Variants in HOXA3 observed in about 807,000 individuals in gnomAD.
HOXA3 encodes the protein homeobox protein Hox-A3.
A neutral mutation model predicts 30.3 loss-of-function variants in HOXA3; 8 were observed. The ratio of observed to expected loss-of-function variants is 0.26; its 90% confidence interval spans 0.15 to 0.48. The LOEUF is 0.48. Among genes scored for constraint, HOXA3 ranks in the 20% least tolerant of loss-of-function variants. The probability of loss-of-function intolerance (pLI) is 0.99; values close to 1 mark genes in which losing one functional copy is unlikely to be tolerated. For synonymous variants in HOXA3, 323 were observed against 273.1 expected, an observed-to-expected ratio of 1.18 and a Z score of -1.80; for missense variants, 653 against 614.4, an observed-to-expected ratio of 1.06 and a Z score of -0.66.
chr7:27,115,244 T>C (rs1315524032), intron 4 of HOXA3: 1 of 152,086 alleles, frequency 6.6e-6, no homozygotes, highest in Non-Finnish European at 1.5e-5. Context: ...GGTGGCCTCA[T>C]GCATACCAAT....
rs537688259 is a variant in HOXA3 at position 27,109,988 on chromosome 7, C to G, written c.526+127G>C. Reference sequence around the variant, plus strand: ...AGACTATGAAAACCTTTTTGGTGGGCAGTGGTGTGGGAGCAGTGAATTCCA... The same window carrying G: ...AGACTATGAAAACCTTTTTGGTGGGGAGTGGTGTGGGAGCAGTGAATTCCA... On this transcript the variant is annotated intron_variant, in intron 5 of 5. Coordinates refer to ENST00000612286, the MANE Select transcript of HOXA3 (RefSeq NM_153631.3). 1,365 of 1,162,866 alleles carry G rather than the reference C, an allele frequency of 1.2e-3. 2 individuals are homozygous for G. The highest frequency in any genetic ancestry group is 1.5e-3 in the Non-Finnish European group (1,241 of 801,098). 72.0% of individuals were successfully genotyped at this position (1,162,866 alleles called of 1,614,324 possible). A position where few individuals can be genotyped will look rare whatever the true frequency, so the allele number is the denominator to read the frequency against.
rs925658874 is a variant in HOXA3 at position 27,140,186 on chromosome 7, C to T, written c.-493G>A. The T allele has an allele frequency of 6.6e-6, 1 of 152,054 alleles. No homozygotes were observed. The highest frequency in any genetic ancestry group is 1.5e-5 in the Non-Finnish European group (1 of 68,014). 9.4% of individuals were successfully genotyped at this position (152,054 alleles called of 1,614,324 possible). ...TTGAATGGCCAGGCGGCACACGTAGCCTGCAAAAGAGTCAAATGGAGTCCA... is the reference window on the plus strand; with the variant it reads ...TTGAATGGCCAGGCGGCACACGTAGTCTGCAAAAGAGTCAAATGGAGTCCA... On this transcript the variant is annotated splice_region_variant and 5_prime_UTR_variant, in exon 2 of 6. Coordinates refer to ENST00000612286, the MANE Select transcript of HOXA3 (RefSeq NM_153631.3).
chr7:27,143,225 G>T, intron 1 of HOXA3: 1 of 1,610,052 alleles, frequency 6.2e-7, no homozygotes. Context: ...GTCGGCCGAG[G>T]CGCCGCTGGA....
chr7:27,118,805 T>C (rs17500619), intron 4 of HOXA3, among the ~76,000 whole-genome samples: 95 of 152,334 alleles, frequency 6.2e-4, no homozygotes, highest in African/African-American at 2.2e-3. Context: ...ATAACTGGCC[T>C]GGACAGCGGA....
In HOXA3 at chr7:27,152,291, C is replaced by T; in HGVS notation, c.-497G>A. On this transcript the variant is annotated 5_prime_UTR_variant, in exon 1 of 6. Coordinates refer to ENST00000612286, the MANE Select transcript of HOXA3 (RefSeq NM_153631.3). ...ATCTCCTCCCCACATGTCTCACCTT[C>T]AGACGGTGGCTCCCAGAAGCTCCTG... 7.8e-7 allele frequency: 1 copy of T among 1,279,612 alleles called. No homozygotes were observed. The allele number at this position is 1,279,612 out of a possible 1,614,324, so 79.3% of individuals were successfully genotyped here. A position where few individuals can be genotyped will look rare whatever the true frequency, so the allele number is the denominator to read the frequency against.
chr7:27,137,430 A>G (rs1298638822), intron 2 of HOXA3, among the ~76,000 whole-genome samples: 1 of 152,200 alleles, frequency 6.6e-6, no homozygotes, highest in Non-Finnish European at 1.5e-5. Context: ...GGAGGAGCAC[A>G]GACACGCACT....
intron 3 of HOXA3, among the ~76,000 whole-genome samples, chr7:27,125,899 T>C (rs1379289771): frequency 6.6e-6 from 1 of 152,174 alleles, no homozygotes; most frequent in Non-Finnish European, 1.5e-5. Flanking sequence ...AGAGGAAAGA[T>C]GGTGATATCC....
At chr7:27,132,238 GA>G (rs1300801335) in intron 2 of HOXA3, among the ~76,000 whole-genome samples, 1 of 152,196 alleles carries the variant, frequency 6.6e-6, no homozygotes, top group Non-Finnish European at 1.5e-5. Context: ...CACCTTAGTT[GA>G]TTTTTCAAAG....
intron 2 of HOXA3, chr7:27,130,694 C>A: frequency 6.2e-7 from 1 of 1,608,686 alleles, no homozygotes; most frequent in South Asian, 1.1e-5. Flanking sequence ...AACTTGGGCT[C>A]GATGTAGTTG....
chr7:27,141,717 G>A (rs936714820), intron 1 of HOXA3: 4 of 1,285,384 alleles, frequency 3.1e-6, no homozygotes, highest in African/African-American at 1.5e-5. Flanking sequence ...GATGAATTAG[G>A]GCAACGAGAA....
chr7:27,135,676 G>A (rs12533947), intron 2 of HOXA3, among the ~76,000 whole-genome samples: 104,038 of 152,132 alleles, frequency 0.68, 38,158 homozygotes, highest in East Asian at 0.85. Flanking sequence ...CGGCCAATCA[G>A]AATCCCTCTT....
At chr7:27,141,022 G>C (rs999992826) in intron 1 of HOXA3, 1 of 147,590 alleles carries the variant, frequency 6.8e-6, no homozygotes, top group Admixed American at 7.0e-5. Flanking sequence ...AGACAGAGCC[G>C]CTCACTATTT....
chr7:27,130,468 AGC>A, intron 2 of HOXA3: 1 of 1,250,708 alleles, frequency 8.0e-7, no homozygotes, highest in Admixed American at 4.1e-5. Flanking sequence ...CGCGGGGTAC[AGC>A]GCGGCAGCAG....
intron 3 of HOXA3, chr7:27,124,465 C>T (rs984586207): frequency 1.3e-5 from 2 of 152,230 alleles, no homozygotes; most frequent in Non-Finnish European, 1.5e-5. Context: ...TCCCTGGACT[C>T]GCAGAAACCC....
chr7:27,139,546 G>C (rs892148524), intron 2 of HOXA3, among the ~76,000 whole-genome samples: 1 of 152,244 alleles, frequency 6.6e-6, no homozygotes, highest in South Asian at 2.1e-4. Flanking sequence ...GGCCCGCGAA[G>C]ACATATTGCC....
Position 27,108,309 on chromosome 7 carries a change from G to A in HOXA3, c.938C>T (p.Pro313Leu), listed in dbSNP as rs764361714. 7.2e-6 allele frequency: 11 copies of A among 1,527,812 alleles called. No individual in the cohort carries two copies. The highest frequency in any genetic ancestry group is 2.0e-5 in the Admixed American group (1 of 50,740). 94.6% of individuals were successfully genotyped at this position (1,527,812 alleles called of 1,614,324 possible). A position where few individuals can be genotyped will look rare whatever the true frequency, so the allele number is the denominator to read the frequency against. Residue 313 changes from proline to leucine, a missense_variant, in exon 6 of 6, where the codon CCT becomes CTT. Transcript: ENST00000612286. This position sits in a 1 kb window ranked among gnomAD's most constrained non-coding sequence, Gnocchi z 5.0. ...GGGTGCGCAGCTGGGCAGGGACGCAGGGTAGGAGGCGGGGGGCAGCCCGTA... is the reference window on the plus strand; with the variant it reads ...GGGTGCGCAGCTGGGCAGGGACGCAAGGTAGGAGGCGGGGGGCAGCCCGTA... ...GTYGLPPASY[P>L]ASLPSCAPPP...
chr7:27,142,760 A>C, intron 1 of HOXA3: 9 of 393,672 alleles, frequency 2.3e-5, no homozygotes, highest in East Asian at 8.3e-5. Flanking sequence ...CTGACCCGGG[A>C]GCGCGTCCCA....
Position 27,129,645 on chromosome 7 carries a change from A to C in HOXA3, c.-389-2575T>G, listed in dbSNP as rs527593831. 6.6e-5 allele frequency: 101 copies of C among 1,537,534 alleles called. 1 individual carries two copies. In the South Asian group the frequency reaches 1.1e-3, roughly 16 times the overall value. ...AGAGAGGGAAAGGAGGAGGAGAGAGAAGGTGGGGTGGGGAAGAGCAATTGG... is the reference window on the plus strand; with the variant it reads ...AGAGAGGGAAAGGAGGAGGAGAGAGCAGGTGGGGTGGGGAAGAGCAATTGG... On this transcript the variant is annotated intron_variant, in intron 2 of 5. Coordinates refer to ENST00000612286, the MANE Select transcript of HOXA3 (RefSeq NM_153631.3).
intron 1 of HOXA3, chr7:27,143,365 G>C: frequency 3.2e-6 from 5 of 1,586,690 alleles, no homozygotes; most frequent in Non-Finnish European, 4.3e-6. Flanking sequence ...TGGGCTCGGC[G>C]GGCGCCGCGC....
Sources: allele counts gnomAD v4.1 joint callset (sites outside exome capture counted in the v4.1 genomes callset), GRCh38; gene constraint gnomAD v4.1.1; non-coding constraint Gnocchi (gnomAD v3.1); transcripts MANE v1.5; gene names NCBI Gene and HGNC (gene_info 2026-07-23, HGNC 2026-07-21).